ARID4B: variants seen among roughly 807,000 people sequenced by gnomAD.
The protein encoded by ARID4B is AT-rich interactive domain-containing protein 4B.
Under a neutral mutation model 147.5 loss-of-function variants are expected in ARID4B, and 26 were observed. That is an observed-to-expected ratio of 0.18 (90% CI 0.13 to 0.24). The LOEUF is 0.24. Ranked by LOEUF, ARID4B falls within the 10% of genes least tolerant of loss-of-function variation. ARID4B has a pLI of 1.00. For missense variants in ARID4B, 1,179 were observed against 1,511.5 expected, an observed-to-expected ratio of 0.78 and a Z score of 3.65; for synonymous variants, 512 against 507.9, an observed-to-expected ratio of 1.01 and a Z score of -0.11.
At chr1:235,189,316 C>A (rs1664912910) in intron 19 of ARID4B, among the ~76,000 whole-genome samples, 1 of 143,918 alleles carries the variant, frequency 6.9e-6, no homozygotes, top group Non-Finnish European at 1.5e-5. Context: ...AGGAGAATCG[C>A]TTGAACTTGG....
intron 2 of ARID4B, among the ~76,000 whole-genome samples, chr1:235,275,316 A>G (rs1671249761): frequency 1.3e-5 from 2 of 152,224 alleles, no homozygotes; most frequent in South Asian, 4.1e-4. Flanking sequence ...CTCTGCTATG[A>G]AGTTAAAGCT....
chr1:235,232,064 T>C (rs1668273226), intron 9 of ARID4B, among the ~76,000 whole-genome samples: 2 of 151,892 alleles, frequency 1.3e-5, no homozygotes, highest in African/African-American at 4.8e-5. Flanking sequence ...AGGGTTACAG[T>C]GAGCTATGAT....
At chr1:235,291,349 G>A (rs765276488) in intron 2 of ARID4B, among the ~76,000 whole-genome samples, 4 of 151,890 alleles carry the variant, frequency 2.6e-5, no homozygotes, top group Admixed American at 1.3e-4. Flanking sequence ...CAGAGGTTGC[G>A]GTGAGCTGAG....
chr1:235,283,802 C>A (rs777640510), intron 2 of ARID4B, among the ~76,000 whole-genome samples: 1 of 152,124 alleles, frequency 6.6e-6, no homozygotes, highest in Non-Finnish European at 1.5e-5. Context: ...ATGGTGCAAT[C>A]GCGGCTCACT....
At chr1:235,279,314 T>C (rs1414663107) in intron 2 of ARID4B, among the ~76,000 whole-genome samples, 1 of 152,140 alleles carries the variant, frequency 6.6e-6, no homozygotes, top group Non-Finnish European at 1.5e-5. Flanking sequence ...TCCATTTAGT[T>C]TCCTGAACCA....
chr1:235,270,513 A>G (rs536443210), intron 2 of ARID4B, among the ~76,000 whole-genome samples: 61 of 152,330 alleles, frequency 4.0e-4, no homozygotes, highest in African/African-American at 1.4e-3. Context: ...CTCATAAACC[A>G]GAGGGATATC....
At chr1:235,207,607 G>T (rs1455319406) in intron 17 of ARID4B, among the ~76,000 whole-genome samples, 1 of 152,112 alleles carries the variant, frequency 6.6e-6, no homozygotes, top group East Asian at 1.9e-4. Context: ...CCTTAATAAA[G>T]AATTTATTAT....
chr1:235,221,807 T>C (rs1411689231), intron 13 of ARID4B, 145 bp from the exon 14 acceptor site: 1 of 396,000 alleles, frequency 2.5e-6, no homozygotes, highest in African/African-American at 2.1e-5. Flanking sequence ...AAATTCTAAA[T>C]TTGGTTTAAA....
At chr1:235,224,193 G>C (rs571252190) in intron 12 of ARID4B, among the ~76,000 whole-genome samples, 1 of 152,172 alleles carries the variant, frequency 6.6e-6, no homozygotes, top group East Asian at 1.9e-4. Context: ...TCCCTTACAA[G>C]CATCTTCCCA....
At chr1:235,214,419 A>G (rs940116568) in intron 16 of ARID4B, among the ~76,000 whole-genome samples, 2 of 152,172 alleles carry the variant, frequency 1.3e-5, no homozygotes, top group Non-Finnish European at 2.9e-5. Flanking sequence ...TTACAACTAA[A>G]AATTATTTTT....
At chr1:235,205,275 A>T (rs1666234050) in intron 17 of ARID4B, among the ~76,000 whole-genome samples, 1 of 152,218 alleles carries the variant, frequency 6.6e-6, no homozygotes, top group African/African-American at 2.4e-5. Context: ...AGGAAAGAAC[A>T]AAGAAATTAA....
At position 235,243,608 on chromosome 1, in the gene ARID4B, T is replaced by C. The variant is rs151232843; in HGVS notation, c.446+2812A>G. On this transcript the variant is annotated intron_variant, in intron 7 of 23. Coordinates refer to ENST00000264183, the MANE Select transcript of ARID4B (RefSeq NM_016374.6). ...ACACTTCACTATTAACTCTAATTAG[T>C]TGTAAATCAAGAAAGACGAACTTTA... Among the ~76,000 whole-genome samples the C allele has an allele frequency of 2.2e-4, 33 of 152,230 alleles. 1 individual carries two copies. The East Asian group carries it at 2.3e-3, about 11-fold the overall frequency.
At chr1:235,312,656 A>G (rs1674141841) in intron 2 of ARID4B, among the ~76,000 whole-genome samples, 3 of 152,064 alleles carry the variant, frequency 2.0e-5, no homozygotes, top group Non-Finnish European at 4.4e-5. Flanking sequence ...ACAACACTTT[A>G]GCAAAGAATA....
chr1:235,252,155 G>A (rs1669686195), intron 6 of ARID4B, among the ~76,000 whole-genome samples: 1 of 152,200 alleles, frequency 6.6e-6, no homozygotes, highest in Non-Finnish European at 1.5e-5. Context: ...ACAAAGCCAT[G>A]AAGAAGATAT....
intron 2 of ARID4B, among the ~76,000 whole-genome samples, chr1:235,325,789 C>T (rs59743715): frequency 0.13 from 19,982 of 152,114 alleles, 1,523 homozygotes; most frequent in African/African-American, 0.2. Flanking sequence ...AAAGAGAAAA[C>T]CTTAAAAAAA....
chr1:235,254,444 T>C (rs1401256696), intron 5 of ARID4B, among the ~76,000 whole-genome samples: 2 of 151,906 alleles, frequency 1.3e-5, no homozygotes, highest in South Asian at 2.1e-4. Context: ...CTACTGTAGG[T>C]GAAATAAAAA....
intron 22 of ARID4B, among the ~76,000 whole-genome samples, chr1:235,173,772 ATATATATAT>A (rs1208420792): frequency 6.8e-4 from 10 of 14,680 alleles, no homozygotes; most frequent in African/African-American, 1.1e-3. Flanking sequence ...AAAAAAAAAA[ATATATATAT>A]ATATATATAT....
chr1:235,210,137 G>A (rs1666619916), intron 17 of ARID4B, among the ~76,000 whole-genome samples: 1 of 151,932 alleles, frequency 6.6e-6, no homozygotes. Flanking sequence ...TGAGGTGGGA[G>A]GATCACTCGA....
intron 10 of ARID4B, among the ~76,000 whole-genome samples, chr1:235,230,197 C>A (rs1488583231): frequency 6.6e-6 from 1 of 152,058 alleles, no homozygotes; most frequent in South Asian, 2.1e-4. Context: ...GGGTGGACTG[C>A]CTGAGCTCAG....
Sources: allele counts gnomAD v4.1 joint callset (sites outside exome capture counted in the v4.1 genomes callset), GRCh38; gene constraint gnomAD v4.1.1; transcripts MANE v1.5; gene names NCBI Gene and HGNC (gene_info 2026-07-23, HGNC 2026-07-21).